ABTB2: variants seen among roughly 807,000 people sequenced by gnomAD.
ABTB2 encodes the protein ankyrin repeat and BTB domain containing 2, also known as ankyrin repeat and BTB/POZ domain-containing protein 2.
In ABTB2, 56 loss-of-function variants were observed where a neutral mutation model predicts 104.1. That is an observed-to-expected ratio of 0.54 (90% CI 0.43 to 0.67). The LOEUF is 0.67. Among genes scored for constraint, ABTB2 ranks in the 30% least tolerant of loss-of-function variants. The pLI is 0.00. For missense variants in ABTB2, 1,279 were observed against 1,407.7 expected, an observed-to-expected ratio of 0.91 and a Z score of 1.46; for synonymous variants, 606 against 608.2, an observed-to-expected ratio of 1.00 and a Z score of 0.05.
intron 1 of ABTB2, among the ~76,000 whole-genome samples, chr11:34,303,341 T>A (rs1854730595): frequency 1.3e-5 from 2 of 152,236 alleles, no homozygotes; most frequent in Admixed American, 6.5e-5. Context: ...TGTCTTCCGT[T>A]TTTATTAACC....
At chr11:34,310,495 C>T (rs1854837877) in intron 1 of ABTB2, among the ~76,000 whole-genome samples, 1 of 152,156 alleles carries the variant, frequency 6.6e-6, no homozygotes, top group Admixed American at 6.5e-5. Context: ...CCATGGTGCC[C>T]TTGTGGGTTT....
At chr11:34,206,841 C>T (rs190950537) in intron 1 of ABTB2, among the ~76,000 whole-genome samples, 2 of 152,320 alleles carry the variant, frequency 1.3e-5, no homozygotes, top group Non-Finnish European at 2.9e-5. Context: ...CTCCTCCTGG[C>T]TGATGTGGTG....
chr11:34,179,215 A>G (rs1211313434), intron 3 of ABTB2, among the ~76,000 whole-genome samples: 3 of 152,236 alleles, frequency 2.0e-5, no homozygotes, highest in Non-Finnish European at 4.4e-5. Flanking sequence ...CTCATGTCCC[A>G]TTTGCCGTCA....
In ABTB2 at chr11:34,357,315, C is replaced by G; in HGVS notation, c.269G>C (p.Arg90Pro). 6.6e-7 allele frequency: 1 copy of G among 1,513,400 alleles called. No homozygotes were observed. The highest frequency in any genetic ancestry group is 2.5e-5 in the East Asian group (1 of 39,954). 93.7% of individuals were successfully genotyped at this position (1,513,400 alleles called of 1,614,324 possible). Residue 90 changes from arginine to proline, a missense_variant, in exon 1 of 17, where the codon CGG becomes CCG. Arg to Pro is a moderately radical substitution (Grantham distance 103). Coordinates refer to ENST00000435224, the MANE Select transcript of ABTB2 (RefSeq NM_145804.3). ...EVADLFSRCP[R>P]LPELEEFPWT... ...GGGGAACTCCTCCAGCTCGGGGAGC[C>G]GCGGACAGCGCGAGAAGAGGTCGGC...
At chr11:34,284,752 T>C (rs897417169) in intron 1 of ABTB2, among the ~76,000 whole-genome samples, 8 of 152,156 alleles carry the variant, frequency 5.3e-5, no homozygotes, top group Non-Finnish European at 1.2e-4. Context: ...ATTAAAATGA[T>C]AAGAGATGGA....
intron 3 of ABTB2, 88 bp downstream of exon 3, chr11:34,197,237 G>A (rs1214037894): frequency 7.0e-6 from 10 of 1,427,530 alleles, no homozygotes; most frequent in South Asian, 5.8e-5. Context: ...TCGCCCTGTT[G>A]GTCAGTCGTC....
At chr11:34,299,917 C>T (rs1590247019) in intron 1 of ABTB2, among the ~76,000 whole-genome samples, 1 of 152,204 alleles carries the variant, frequency 6.6e-6, no homozygotes, top group South Asian at 2.1e-4. Flanking sequence ...AGTTTCATCT[C>T]CGTAAAATGG....
intron 1 of ABTB2, among the ~76,000 whole-genome samples, chr11:34,258,614 T>G (rs111387175): frequency 0.041 from 5,842 of 143,152 alleles, 387 homozygotes; most frequent in African/African-American, 0.15. Context: ...TCTTTTTTTT[T>G]TTTTTTTTTT....
rs774675616 is a variant in ABTB2 at position 34,197,590 on chromosome 11, A to G, written c.1031-52T>C. The G allele has an allele frequency of 8.4e-5, 108 of 1,281,434 alleles. 1 individual carries two copies. The South Asian group carries it at 1.3e-3, about 15-fold the overall frequency. 79.4% of individuals were successfully genotyped at this position (1,281,434 alleles called of 1,614,324 possible). A position where few individuals can be genotyped will look rare whatever the true frequency, so the allele number is the denominator to read the frequency against. ...GGAGGAAGAGAAAAAAAGAAGACAA[A>G]GTCTGAGTTCACAGCCTGCATTCTT... On this transcript the variant is annotated intron_variant, in intron 2 of 16. Coordinates refer to ENST00000435224, the MANE Select transcript of ABTB2 (RefSeq NM_145804.3).
At chr11:34,335,594 C>T in intron 1 of ABTB2, 1 of 1,503,034 alleles carries the variant, frequency 6.7e-7, no homozygotes, top group South Asian at 1.1e-5. Flanking sequence ...AGTTAAGTTT[C>T]TGCACTGTTA....
At chr11:34,160,154 G>A in intron 12 of ABTB2, 94 bp downstream of exon 12, 1 of 1,347,582 alleles carries the variant, frequency 7.4e-7, no homozygotes, top group Admixed American at 1.8e-5. Context: ...CTTGGCGCTT[G>A]GAAATGGAGA....
chr11:34,320,693 G>A (rs753413762), intron 1 of ABTB2, among the ~76,000 whole-genome samples: 13 of 152,162 alleles, frequency 8.5e-5, no homozygotes, highest in Non-Finnish European at 1.6e-4. Context: ...CACATTAGAC[G>A]TCCGTGGAAC....
At chr11:34,225,588 T>G in intron 1 of ABTB2, among the ~76,000 whole-genome samples, 1 of 152,006 alleles carries the variant, frequency 6.6e-6, no homozygotes. Flanking sequence ...AAACCCCGTC[T>G]CTACTAAAAA....
Position 34,221,083 on chromosome 11 carries a change from C to T in ABTB2, c.884-16393G>A, listed in dbSNP as rs970078515. ...CTCCCGGGTTCATGCAATTCGTCTG[C>T]CTCAGCCTCCAGAGTAGCTGGGACT... is the stretch of plus-strand genomic sequence containing the variant. On this transcript the variant is annotated intron_variant, in intron 1 of 16. Coordinates refer to ENST00000435224, the MANE Select transcript of ABTB2 (RefSeq NM_145804.3). Among the ~76,000 whole-genome samples the T allele has an allele frequency of 3.3e-5, 5 of 152,208 alleles. No homozygotes were observed. In the East Asian group the frequency reaches 9.7e-4, roughly 29 times the overall value.
chr11:34,237,287 T>A (rs1853857167), intron 1 of ABTB2, among the ~76,000 whole-genome samples: 1 of 149,432 alleles, frequency 6.7e-6, no homozygotes, highest in Admixed American at 6.7e-5. Flanking sequence ...TTTTTTTTTT[T>A]TTTTTTTTTT....
At chr11:34,304,748 C>T (rs1360284070) in intron 1 of ABTB2, among the ~76,000 whole-genome samples, 1 of 151,966 alleles carries the variant, frequency 6.6e-6, no homozygotes, top group Non-Finnish European at 1.5e-5. Context: ...AATAGTTTGT[C>T]CATGGACATA....
chr11:34,288,349 G>A (rs112699318), intron 1 of ABTB2, among the ~76,000 whole-genome samples: 9 of 152,032 alleles, frequency 5.9e-5, no homozygotes, highest in East Asian at 5.8e-4. Context: ...TTTTCTTCAC[G>A]AATTTCTATT....
chr11:34,198,850 T>G (rs1853300037), intron 2 of ABTB2, among the ~76,000 whole-genome samples: 1 of 152,236 alleles, frequency 6.6e-6, no homozygotes, highest in Admixed American at 6.5e-5. Flanking sequence ...AGCAGCTCCT[T>G]CGGGGTCAGC....
chr11:34,291,090 G>A (rs775392250), intron 1 of ABTB2, among the ~76,000 whole-genome samples: 15 of 152,226 alleles, frequency 9.9e-5, no homozygotes, highest in Non-Finnish European at 1.9e-4. Context: ...ACATATGGGG[G>A]AATGGGGTTT....
Sources: allele counts gnomAD v4.1 joint callset (sites outside exome capture counted in the v4.1 genomes callset), GRCh38; gene constraint gnomAD v4.1.1; transcripts MANE v1.5; gene names NCBI Gene and HGNC (gene_info 2026-07-23, HGNC 2026-07-21).